The following CTBP1 variants were observed in gnomAD, a reference collection of about 807,000 sequenced individuals.
CTBP1 encodes C-terminal binding protein 1, also known as C-terminal-binding protein 1.
A neutral mutation model predicts 42.1 loss-of-function variants in CTBP1; 11 were observed. The ratio of observed to expected loss-of-function variants is 0.26; its 90% CI spans 0.16 to 0.43. The LOEUF (loss-of-function observed/expected upper bound fraction) is 0.43, where lower values mean the gene tolerates loss of function less well. Among genes scored for constraint, CTBP1 ranks in the 20% least tolerant of loss-of-function variants. The probability of loss-of-function intolerance (pLI) is 1.00; values close to 1 mark genes in which losing one functional copy is unlikely to be tolerated. For missense variants in CTBP1, 399 were observed against 624.3 expected (o/e 0.64, Z 3.85); for synonymous variants, 324 against 277.1 (o/e 1.17, Z -1.68).
In CTBP1 at chr4:1,212,329, G is replaced by A; in HGVS notation, c.1201C>T (p.Pro401Ser). 4 of 1,519,612 alleles carry A rather than the reference G, an allele frequency of 2.6e-6. No individual in the cohort carries two copies. Among genetic ancestry groups the A allele is most frequent in the African/African-American group, 1.4e-5 (1 of 69,632 alleles). The allele number at this position is 1,519,612 out of a possible 1,614,324, so 94.1% of individuals were successfully genotyped here. The part of the protein sequence containing the change: ...PSAMSLSHGL[P>S]PVAHPPHAPS... The stretch of plus-strand genomic sequence containing the variant: ...GCGTGGGGCGGGTGGGCCACAGGGG[G>A]CAGGCCGTGGGACAGGGACATGGCG... The change falls in exon 10 of 10, where the codon CCC becomes TCC. Residue 401 changes from proline (P) to serine (S), a missense_variant. Physicochemically the swap from Pro to Ser is moderately conservative, Grantham distance 74 (BLOSUM62 -1). This residue lies in a region of CTBP1 where 60 missense variants were observed against 46.5 expected (regional missense o/e 1.29). Coordinates refer to ENST00000382952, the MANE Select transcript of CTBP1 (RefSeq NM_001012614.2).
chr4:1,225,324 G>A, intron 5 of CTBP1, 36 bp downstream of exon 5: 1 of 1,521,910 alleles, frequency 6.6e-7, no homozygotes, highest in Non-Finnish European at 8.8e-7. Context: ...GCCAGACACA[G>A]GGAGGGACAC....
intron 2 of CTBP1, among the ~76,000 whole-genome samples, chr4:1,240,685 A>G (rs1336372165): frequency 6.6e-6 from 1 of 151,730 alleles, no homozygotes; most frequent in Admixed American, 6.6e-5. Context: ...GGGAGGGGGG[A>G]GCAGGTGGAG....
In CTBP1 at chr4:1,212,105, C is replaced by T. The variant is rs1451818872; in HGVS notation, c.*135G>A. 7.2e-6 allele frequency: 5 copies of T among 693,062 alleles called. No individual in the cohort carries two copies. The highest frequency in any genetic ancestry group is 1.1e-5 in the Non-Finnish European group (5 of 465,442). 42.9% of individuals were successfully genotyped at this position (693,062 alleles called of 1,614,324 possible). On this transcript the variant is annotated 3_prime_UTR_variant, in exon 10 of 10. Coordinates refer to ENST00000382952, the MANE Select transcript of CTBP1 (RefSeq NM_001012614.2). ...AAGCGACACGAGGCCCAGCGCTGCC[C>T]CCTCCCGCCTCCTGACAGCCCGGAC...
At chr4:1,245,663 G>A (rs887202674) in intron 1 of CTBP1, 14 of 984,412 alleles carry the variant, frequency 1.4e-5, no homozygotes, top group Middle Eastern at 5.2e-4. Context: ...TGACACGGGC[G>A]GCAGGGCAGG....
intron 1 of CTBP1, chr4:1,244,755 G>A: frequency 1.0e-6 from 1 of 985,282 alleles, no homozygotes; most frequent in Non-Finnish European, 1.2e-6. Flanking sequence ...GCCCTCTCGT[G>A]ACAAAGCTGC....
chr4:1,219,216 G>C (rs1360840517), intron 5 of CTBP1, among the ~76,000 whole-genome samples: 5 of 152,002 alleles, frequency 3.3e-5, no homozygotes, highest in African/African-American at 1.2e-4. Context: ...AAAAATTGCA[G>C]TGGCACGCAC....
At position 1,225,502 on chromosome 4, in the gene CTBP1, G is replaced by A. The variant is rs1445209476; in HGVS notation, c.372C>T (p.His124=). Residue 124 remains histidine (H), a synonymous_variant, in exon 5 of 10, where the codon CAC becomes CAT. Coordinates refer to ENST00000382952, the MANE Select transcript of CTBP1 (RefSeq NM_001012614.2). ...TGGCCCGCCGGTACAGGTTCAGGAT[G>A]TGGCACAGCGTCGAGTCGGCCGTCT... ...VEETADSTLC[H]ILNLYRRATW... The A allele has an allele frequency of 6.5e-7, 1 of 1,545,800 alleles. No individual in the cohort carries two copies. Among genetic ancestry groups the A allele is most frequent in the East Asian group, 2.4e-5 (1 of 40,914 alleles).
intron 5 of CTBP1, chr4:1,217,323 G>C (rs976390401): frequency 6.6e-6 from 1 of 152,464 alleles, no homozygotes; most frequent in Non-Finnish European, 1.5e-5. Context: ...AAGGAACATG[G>C]TGGCTCCTTC....
chr4:1,238,175 G>A lies in CTBP1; in HGVS notation c.162+8C>T. 4 of 1,612,876 alleles carry A rather than the reference G, an allele frequency of 2.5e-6. No individual in the cohort carries two copies. Among genetic ancestry groups the A allele is most frequent in the East Asian group, 2.2e-5 (1 of 44,870 alleles). Reference sequence around the variant, plus strand: ...TTCTGCCAGCCCCAGGCGACCACGTGGTGGTACCTTCTCATGGATCTCCTG... The same window carrying A: ...TTCTGCCAGCCCCAGGCGACCACGTAGTGGTACCTTCTCATGGATCTCCTG... On this transcript the variant is annotated splice_region_variant and intron_variant, in intron 3 of 9. Coordinates refer to ENST00000382952, the MANE Select transcript of CTBP1 (RefSeq NM_001012614.2). This position sits in a 1 kb window ranked among gnomAD's most constrained non-coding sequence, Gnocchi z 5.9.
chr4:1,234,062 C>T (rs556413431), intron 3 of CTBP1, among the ~76,000 whole-genome samples: 1 of 152,312 alleles, frequency 6.6e-6, no homozygotes, highest in African/African-American at 2.4e-5. Context: ...CAGGGAGAGG[C>T]CCTGCTCCCC....
At chr4:1,215,484 G>GGCTGAGGCTGCACTGCGAGCTGT (rs1729009219) in intron 6 of CTBP1, 1 of 203,498 alleles carries the variant, frequency 4.9e-6, no homozygotes, top group East Asian at 1.3e-4. Context: ...GGGAACGCAG[G>GGCTGAGGCTGCACTGCGAGCTGT]GCTGAGGCTG....
rs1175121779 is a variant in CTBP1, at chr4:1,243,977, G to A, written c.-188-2458C>T. 3.0e-6 allele frequency: 3 copies of A among 984,850 alleles called. No homozygotes were observed. The African/African-American group carries it at 5.2e-5, about 17-fold the overall frequency. 61.0% of individuals were successfully genotyped at this position (984,850 alleles called of 1,614,324 possible). A position where few individuals can be genotyped will look rare whatever the true frequency, so the allele number is the denominator to read the frequency against. ...GTGAGTGTAGAGCACATGGAAGCTT[G>A]TGCTTCCTATTTTCCTGTAAATCTA... On this transcript the variant is annotated intron_variant, in intron 1 of 9. Transcript: ENST00000382952.
chr4:1,215,106 C>T (rs1466613162), intron 6 of CTBP1, among the ~76,000 whole-genome samples: 1 of 152,182 alleles, frequency 6.6e-6, no homozygotes, highest in Non-Finnish European at 1.5e-5. Context: ...TTCTTTGGTG[C>T]ACTGCTGCCC....
chr4:1,221,720 C>A (rs971051069), intron 5 of CTBP1: 1 of 372,666 alleles, frequency 2.7e-6, no homozygotes, highest in South Asian at 2.0e-5. Flanking sequence ...CTCGCAGGGT[C>A]GTCGCGGGGC....
At chr4:1,240,811 A>G (rs1206218239) in intron 2 of CTBP1, among the ~76,000 whole-genome samples, 4 of 152,134 alleles carry the variant, frequency 2.6e-5, no homozygotes, top group Non-Finnish European at 5.9e-5. Flanking sequence ...GCTTGGGGAC[A>G]CACCCAGGAG....
chr4:1,225,827 G>A (rs1010883582), intron 4 of CTBP1, among the ~76,000 whole-genome samples: 1 of 152,104 alleles, frequency 6.6e-6, no homozygotes, highest in African/African-American at 2.4e-5. Flanking sequence ...TGGTAGGGCT[G>A]GGGTGTGAGA....
Position 1,225,708 on chromosome 4 carries a change from C to A in CTBP1, c.308-142G>T, listed in dbSNP as rs527544535. ...TGTCCCCAAGGCCACCCCGGGAGGC[C>A]ACGAGATGAACACGTTGCTCACAGG... On this transcript the variant is annotated intron_variant, in intron 4 of 9. Transcript: ENST00000382952. 138 of 851,124 alleles carry A rather than the reference C, an allele frequency of 1.6e-4. No individual in the cohort carries two copies. The African/African-American group carries it at 2.2e-3, about 13-fold the overall frequency. 52.7% of individuals were successfully genotyped at this position (851,124 alleles called of 1,614,324 possible). A position where few individuals can be genotyped will look rare whatever the true frequency, so the allele number is the denominator to read the frequency against.
At chr4:1,214,709 G>C (rs1728921208) in intron 6 of CTBP1, among the ~76,000 whole-genome samples, 1 of 152,206 alleles carries the variant, frequency 6.6e-6, no homozygotes, top group Non-Finnish European at 1.5e-5. Flanking sequence ...ACAGCTCCTA[G>C]AGAGCTCCAC....
At chr4:1,247,977 T>G (rs1219818069) in intron 1 of CTBP1, among the ~76,000 whole-genome samples, 1 of 152,178 alleles carries the variant, frequency 6.6e-6, no homozygotes, top group Non-Finnish European at 1.5e-5. Flanking sequence ...CAGGCCGGGC[T>G]TCCAGACACC....
Sources: allele counts gnomAD v4.1 joint callset (sites outside exome capture counted in the v4.1 genomes callset), GRCh38; gene constraint gnomAD v4.1.1; regional missense constraint gnomAD v4.1.1; non-coding constraint Gnocchi (gnomAD v3.1); transcripts MANE v1.5; gene names NCBI Gene and HGNC (gene_info 2026-07-23, HGNC 2026-07-21).